NXPH2: variants seen among roughly 807,000 people sequenced by gnomAD.
NXPH2 encodes the protein neurexophilin 2, also known as neurexophilin-2.
Under a neutral mutation model 19.8 loss-of-function variants are expected in NXPH2, and 5 were observed. The ratio of observed to expected loss-of-function variants is 0.25; its 90% CI spans 0.13 to 0.53. The LOEUF is 0.53. Ranked by LOEUF, NXPH2 falls within the 20% of genes least tolerant of loss-of-function variation. NXPH2 has a pLI of 0.96. For synonymous variants in NXPH2, 154 were observed against 127.4 expected (o/e 1.21, Z -1.41); for missense variants, 289 against 322.8 (o/e 0.90, Z 0.80).
At chr2:138,674,610 G>A (rs117568953) in intron 1 of NXPH2, among the ~76,000 whole-genome samples, 1 of 152,146 alleles carries the variant, frequency 6.6e-6, no homozygotes, top group Non-Finnish European at 1.5e-5. Flanking sequence ...CTCATGATGT[G>A]TGCAAACTTC....
intron 1 of NXPH2, among the ~76,000 whole-genome samples, chr2:138,730,618 G>A (rs1681433236): frequency 6.6e-6 from 1 of 152,090 alleles, no homozygotes; most frequent in African/African-American, 2.4e-5. Context: ...CAGGATGATG[G>A]CCCCAGTTGA....
chr2:138,673,990 T>G (rs765988483), intron 1 of NXPH2, among the ~76,000 whole-genome samples: 8 of 152,142 alleles, frequency 5.3e-5, no homozygotes, highest in Non-Finnish European at 1.2e-4. Context: ...TGAATACTAT[T>G]TATTTATTTT....
At chr2:138,766,137 T>C (rs962231907) in intron 1 of NXPH2, among the ~76,000 whole-genome samples, 3 of 152,228 alleles carry the variant, frequency 2.0e-5, no homozygotes, top group African/African-American at 7.2e-5. Flanking sequence ...ATGTGTGCAC[T>C]GGGCACAGTG....
chr2:138,706,084 G>C (rs1253208175), intron 1 of NXPH2, among the ~76,000 whole-genome samples: 1 of 152,178 alleles, frequency 6.6e-6, no homozygotes, highest in Non-Finnish European at 1.5e-5. Flanking sequence ...ATGTATCAGA[G>C]TGTTTTAAGG....
At chr2:138,727,664 G>A (rs1045010884) in intron 1 of NXPH2, among the ~76,000 whole-genome samples, 5 of 124,078 alleles carry the variant, frequency 4.0e-5, no homozygotes, top group African/African-American at 1.5e-4. Context: ...TGCGGGGGGC[G>A]GTGAGGCGGG....
chr2:138,756,484 C>G (rs1001540224), intron 1 of NXPH2, among the ~76,000 whole-genome samples: 3 of 150,008 alleles, frequency 2.0e-5, no homozygotes, highest in Admixed American at 6.7e-5. Flanking sequence ...GTTTCAAATG[C>G]GTTGGTCATG....
chr2:138,671,215 C>T lies in NXPH2; in HGVS notation c.502G>A (p.Glu168Lys). The T allele has an allele frequency of 1.2e-6, 2 of 1,613,824 alleles. No homozygotes were observed. The highest frequency in any genetic ancestry group is 1.3e-5 in the African/African-American group (1 of 75,018). Residue 168 changes from glutamate to lysine, a missense_variant, in exon 2 of 2, where the codon GAA (glutamate) becomes AAA (lysine). Physicochemically the swap from Glu to Lys is moderately conservative, Grantham distance 56 (BLOSUM62 1). Transcript: ENST00000272641. ...GTAGACTGGGGGGAAACTTCAAATTCCACCACCTTGGAGGGTGGTACCAAG... is the reference window on the plus strand; with the variant it reads ...GTAGACTGGGGGGAAACTTCAAATTTCACCACCTTGGAGGGTGGTACCAAG... Reference protein sequence around the residue: ...VSLVPPSKVVEFEVSPQSTLE... With the variant: ...VSLVPPSKVVKFEVSPQSTLE...
At chr2:138,734,496 G>A (rs1054317361) in intron 1 of NXPH2, among the ~76,000 whole-genome samples, 1 of 152,174 alleles carries the variant, frequency 6.6e-6, no homozygotes, top group Admixed American at 6.5e-5. Flanking sequence ...GGAAGAAATG[G>A]TCAAGCCAGG....
chr2:138,764,937 G>A (rs1682069102), intron 1 of NXPH2, among the ~76,000 whole-genome samples: 2 of 152,136 alleles, frequency 1.3e-5, no homozygotes, highest in East Asian at 1.9e-4. Context: ...GAATATGAAT[G>A]CAAGTATTAA....
intron 1 of NXPH2, among the ~76,000 whole-genome samples, chr2:138,677,485 TA>T (rs1680502078): frequency 6.6e-6 from 1 of 152,206 alleles, no homozygotes; most frequent in African/African-American, 2.4e-5. Context: ...AAAAGATTAA[TA>T]AATGCAGAAG....
chr2:138,690,701 C>A (rs937724170), intron 1 of NXPH2, among the ~76,000 whole-genome samples: 1 of 150,388 alleles, frequency 6.6e-6, no homozygotes, highest in Non-Finnish European at 1.5e-5. Context: ...TGTCCTGTAA[C>A]ATCCATTTCA....
intron 1 of NXPH2, among the ~76,000 whole-genome samples, chr2:138,679,493 C>G (rs1458726436): frequency 2.0e-5 from 3 of 151,898 alleles, no homozygotes; most frequent in African/African-American, 7.3e-5. Context: ...CTCCACCTCC[C>G]GGGTTCACGC....
At chr2:138,691,002 CACA>C (rs1177104629) in intron 1 of NXPH2, among the ~76,000 whole-genome samples, 2 of 152,184 alleles carry the variant, frequency 1.3e-5, no homozygotes, top group African/African-American at 4.8e-5. Context: ...AGCTCGCCAT[CACA>C]ACAAGGGAAG....
Position 138,670,587 on chromosome 2 carries a change from G to C in NXPH2, c.*335C>G, listed in dbSNP as rs117633009. ...CAGGCTCATTTCAAGAGCAATGTTT[G>C]TCACATGCATAATTTTGTTCCTTCT... On this transcript the variant is annotated 3_prime_UTR_variant, in exon 2 of 2. Coordinates refer to ENST00000272641, the MANE Select transcript of NXPH2 (RefSeq NM_007226.3). 2.6e-5 allele frequency among the ~76,000 whole-genome samples: 4 copies of C among 152,142 alleles called. No homozygotes were observed. The highest frequency in any genetic ancestry group is 5.9e-5 in the Non-Finnish European group (4 of 68,034).
chr2:138,680,785 A>G (rs1044345376), intron 1 of NXPH2, among the ~76,000 whole-genome samples: 1 of 152,234 alleles, frequency 6.6e-6, no homozygotes. Context: ...AATTTGTGAC[A>G]AGAAAACCAA....
chr2:138,711,549 T>C (rs993916665), intron 1 of NXPH2, among the ~76,000 whole-genome samples: 1 of 152,156 alleles, frequency 6.6e-6, no homozygotes, highest in African/African-American at 2.4e-5. Flanking sequence ...CTCTAAATTG[T>C]ACTTGAATTG....
At chr2:138,740,238 G>C (rs531164930) in intron 1 of NXPH2, among the ~76,000 whole-genome samples, 3 of 152,182 alleles carry the variant, frequency 2.0e-5, no homozygotes, top group African/African-American at 7.2e-5. Context: ...GGGTAACTTA[G>C]GAAGAGAGGG....
chr2:138,759,439 G>T (rs1456000983), intron 1 of NXPH2, among the ~76,000 whole-genome samples: 1 of 151,944 alleles, frequency 6.6e-6, no homozygotes. Flanking sequence ...GTCCATGCTT[G>T]CTCCCTCATG....
intron 1 of NXPH2, among the ~76,000 whole-genome samples, chr2:138,772,961 C>T (rs777451742): frequency 4.1e-4 from 63 of 152,156 alleles, no homozygotes; most frequent in East Asian, 1.9e-4. Context: ...AGATTAACCA[C>T]GAAAGAATTT....
Sources: gnomAD v4.1 joint callset for allele counts (sites outside exome capture counted in the v4.1 genomes callset) on GRCh38, gnomAD v4.1.1 for gene constraint, MANE v1.5 for transcripts, NCBI Gene and HGNC (gene_info 2026-07-23, HGNC 2026-07-21) for gene names.